GYPB: variants seen among roughly 807,000 people sequenced by gnomAD.
GYPB encodes glycophorin B (MNS blood group).
A neutral mutation model predicts 15.3 loss-of-function variants in GYPB; 13 were observed. The observed-to-expected ratio is 0.85, with a 90% CI of 0.55 to 1.35. The LOEUF (loss-of-function observed/expected upper bound fraction) is 1.35, where lower values mean the gene tolerates loss of function less well. GYPB is among the 40% of genes most tolerant of loss of function. GYPB has a pLI of 0.00. For missense variants in GYPB, 131 were observed against 108.3 expected, an observed-to-expected ratio of 1.21 and a Z score of -0.93; for synonymous variants, 38 against 36.9, an observed-to-expected ratio of 1.03 and a Z score of -0.11.
chr4:144,016,868 A>C (rs1472894807), intron 1 of GYPB: 1 of 322,258 alleles, frequency 3.1e-6, no homozygotes, highest in Non-Finnish European at 6.4e-6. Context: ...CAGAATTTTC[A>C]GGGTTGGCTC....
At chr4:144,004,340 A>G (rs1727775788) in intron 1 of GYPB, among the ~76,000 whole-genome samples, 3 of 151,964 alleles carry the variant, frequency 2.0e-5, no homozygotes, top group Admixed American at 6.5e-5. Flanking sequence ...TGGAAAAAAG[A>G]TAGCATAAGC....
chr4:144,008,354 T>A (rs576977614), intron 1 of GYPB: 2 of 454,138 alleles, frequency 4.4e-6, no homozygotes, highest in Admixed American at 2.4e-5. Context: ...CTTCAGCAAA[T>A]CAGGGCTAAA....
chr4:144,010,309 TAAC>T, intron 1 of GYPB, among the ~76,000 whole-genome samples: 1 of 151,190 alleles, frequency 6.6e-6, no homozygotes, highest in African/African-American at 2.5e-5. Flanking sequence ...ACAAATTAAA[TAAC>T]AAAAAAATTA....
At chr4:143,997,175 T>C (rs1280620350) in intron 4 of GYPB, among the ~76,000 whole-genome samples, 1 of 151,200 alleles carries the variant, frequency 6.6e-6, no homozygotes, top group East Asian at 1.9e-4. Context: ...CTCCAAAGTT[T>C]TAAACATATG....
intron 1 of GYPB, among the ~76,000 whole-genome samples, chr4:144,014,813 G>T (rs966122249): frequency 2.0e-5 from 3 of 151,560 alleles, no homozygotes; most frequent in African/African-American, 7.3e-5. Context: ...TAAAAATTAA[G>T]TGTATGTAAA....
downstream of GYPB, among the ~76,000 whole-genome samples, chr4:143,995,275 ACATT>A (rs1352507381): frequency 4.0e-5 from 6 of 151,452 alleles, no homozygotes; most frequent in African/African-American, 1.5e-4. Flanking sequence ...AGAGGTAATA[ACATT>A]CATTTATTCA....
chr4:144,017,100 A>G (rs536554903), intron 1 of GYPB, among the ~76,000 whole-genome samples: 1 of 150,992 alleles, frequency 6.6e-6, no homozygotes, highest in East Asian at 1.9e-4. Context: ...CCCTCCGTGT[A>G]TCCTCCATGG....
chr4:144,016,747 C>T (rs1183617427), intron 1 of GYPB: 6 of 382,608 alleles, frequency 1.6e-5, no homozygotes, highest in Non-Finnish European at 2.6e-5. Context: ...TTCTTAGCTT[C>T]AGAATCTGAT....
chr4:144,010,468 C>CT (rs1339248476), intron 1 of GYPB, among the ~76,000 whole-genome samples: 1 of 150,620 alleles, frequency 6.6e-6, no homozygotes, highest in Non-Finnish European at 1.5e-5. Context: ...AATCTTGTCT[C>CT]TAAAAAAAAT....
chr4:144,019,182 G>T, intron 1 of GYPB, 69 bp downstream of exon 1: 1 of 1,606,320 alleles, frequency 6.2e-7, no homozygotes, highest in Non-Finnish European at 8.5e-7. Flanking sequence ...CTGAAATAGG[G>T]TAGTTCATAT....
chr4:144,007,303 G>C (rs1186845990), intron 1 of GYPB, among the ~76,000 whole-genome samples: 1 of 151,834 alleles, frequency 6.6e-6, no homozygotes, highest in Non-Finnish European at 1.5e-5. Flanking sequence ...TAGTGTGCTA[G>C]GTGCCAAATG....
chr4:144,017,973 C>A (rs534488213), intron 1 of GYPB, among the ~76,000 whole-genome samples: 19 of 151,302 alleles, frequency 1.3e-4, no homozygotes, highest in Non-Finnish European at 2.6e-4. Flanking sequence ...CAGAAATCAC[C>A]AATCACATAC....
At chr4:143,997,194 T>C in intron 4 of GYPB, 1 of 168,088 alleles carries the variant, frequency 5.9e-6, no homozygotes. Flanking sequence ...TGTAAATATA[T>C]TATTTTAAAT....
chr4:144,008,887 C>G (rs1167115594), intron 1 of GYPB, among the ~76,000 whole-genome samples: 1 of 151,366 alleles, frequency 6.6e-6, no homozygotes. Flanking sequence ...AACAACTGCT[C>G]CAGTTGGTAA....
chr4:144,001,247 A>G lies in GYPB; in HGVS notation c.74T>C (p.Val25Ala). Residue 25 changes from valine (V) to alanine (A), a missense_variant, in exon 2 of 5, where the codon GTG (valine) becomes GCG (alanine). Coordinates refer to ENST00000502664, the MANE Select transcript of GYPB (RefSeq NM_002100.6). ...VSISALSTTE[V>A]AMHTSTSSSV... Reference sequence around the variant, plus strand: ...AGAAGAGGTTGAAGTGTGCATTGCCACCTCAGTGGTACTTAATGCTGATAT... The same window carrying G: ...AGAAGAGGTTGAAGTGTGCATTGCCGCCTCAGTGGTACTTAATGCTGATAT... The G allele has an allele frequency of 1.9e-6, 3 of 1,612,944 alleles. No homozygotes were observed. The highest frequency in any genetic ancestry group is 1.3e-5 in the African/African-American group (1 of 74,126).
intron 1 of GYPB, among the ~76,000 whole-genome samples, chr4:144,017,406 T>C (rs1579074583): frequency 6.7e-6 from 1 of 150,362 alleles, no homozygotes; most frequent in South Asian, 2.1e-4. Flanking sequence ...CTAATCAGTA[T>C]GGGGGAAAAA....
intron 1 of GYPB, among the ~76,000 whole-genome samples, chr4:144,013,293 A>C (rs1397246836): frequency 6.6e-6 from 1 of 150,928 alleles, no homozygotes; most frequent in Non-Finnish European, 1.5e-5. Flanking sequence ...GGATGTGGAG[A>C]AATAGGAACA....
intron 3 of GYPB, among the ~76,000 whole-genome samples, chr4:143,998,136 A>G (rs1346930855): frequency 6.6e-6 from 1 of 151,440 alleles, no homozygotes; most frequent in African/African-American, 2.5e-5. Flanking sequence ...CCTTGGTCAG[A>G]CAACTAGTTA....
chr4:144,017,973 C>G lies in GYPB; in HGVS notation c.37+1278G>C, dbSNP rs534488213. Among the ~76,000 whole-genome samples, 29 of 151,192 alleles carry G rather than the reference C, an allele frequency of 1.9e-4. 3 individuals carry two copies. The highest frequency in any genetic ancestry group is 6.9e-4 in the African/African-American group (28 of 40,608). On this transcript the variant is annotated intron_variant, in intron 1 of 4. Coordinates refer to ENST00000502664, the MANE Select transcript of GYPB (RefSeq NM_002100.6). ...TGTCTCTCTGACTCTCAGAAATCACCAATCACATACGTAGGTTTGTTCCCT... is the reference window on the plus strand; with the variant it reads ...TGTCTCTCTGACTCTCAGAAATCACGAATCACATACGTAGGTTTGTTCCCT...
Sources: allele counts gnomAD v4.1 joint callset (sites outside exome capture counted in the v4.1 genomes callset), GRCh38; gene constraint gnomAD v4.1.1; transcripts MANE v1.5; gene names NCBI Gene and HGNC (gene_info 2026-07-23, HGNC 2026-07-21).